Variants in ARHGAP39 observed in about 807,000 individuals in gnomAD.
ARHGAP39 encodes rho GTPase-activating protein 39.
Under a neutral mutation model 106.9 loss-of-function variants are expected in ARHGAP39, and 44 were observed. That is an observed-to-expected ratio of 0.41 (90% CI 0.32 to 0.53). The LOEUF (loss-of-function observed/expected upper bound fraction) is 0.53, where lower values mean the gene tolerates loss of function less well. ARHGAP39 is among the 20% of genes least tolerant of loss of function. The pLI is 0.21. For missense variants in ARHGAP39, 1,496 were observed against 1,577.3 expected (o/e 0.95, Z 0.87); for synonymous variants, 768 against 693.2 (o/e 1.11, Z -1.69).
rs372767574 is a variant in ARHGAP39 at position 144,601,028 on chromosome 8, T to C, written c.80+4507A>G. On this transcript the variant is annotated intron_variant, in intron 2 of 11. Coordinates refer to ENST00000377307, the MANE Select transcript of ARHGAP39 (RefSeq NM_025251.3). ...TGTGTGTGTGCGTGGAGGCGTGTGCTCGTGTACCTGTGTGTGCACATGGAG... is the reference window on the plus strand; with the variant it reads ...TGTGTGTGTGCGTGGAGGCGTGTGCCCGTGTACCTGTGTGTGCACATGGAG... Among the ~76,000 whole-genome samples the C allele has an allele frequency of 3.5e-4, 41 of 118,746 alleles. No individual in the cohort carries two copies. In the South Asian group the frequency reaches 0.012, roughly 33 times the overall value. The allele number at this position is 118,746 out of a possible 152,430, so 77.9% of individuals were successfully genotyped here. A position where few individuals can be genotyped will look rare whatever the true frequency, so the allele number is the denominator to read the frequency against.
intron 2 of ARHGAP39, among the ~76,000 whole-genome samples, chr8:144,582,439 A>G (rs1192976014): frequency 6.6e-6 from 1 of 152,194 alleles, no homozygotes; most frequent in African/African-American, 2.4e-5. Context: ...GCCCTCACAC[A>G]GTGGCGGCGG....
chr8:144,565,227 G>A (rs566665238), intron 3 of ARHGAP39, among the ~76,000 whole-genome samples: 6 of 152,180 alleles, frequency 3.9e-5, no homozygotes, highest in East Asian at 1.9e-4. Context: ...GCAGTGAGCC[G>A]AGCCTGCATC....
intron 1 of ARHGAP39, among the ~76,000 whole-genome samples, chr8:144,615,500 C>T (rs1353631406): frequency 1.3e-5 from 2 of 152,184 alleles, no homozygotes; most frequent in African/African-American, 4.8e-5. Flanking sequence ...AAAACCCAGC[C>T]TGCTGGAGAC....
intron 3 of ARHGAP39, among the ~76,000 whole-genome samples, chr8:144,564,980 T>C (rs1052545704): frequency 6.6e-6 from 1 of 151,842 alleles, no homozygotes; most frequent in African/African-American, 2.4e-5. Flanking sequence ...CGTGGAAGCA[T>C]GTGCATGTAA....
chr8:144,563,568 C>G (rs1383241526), intron 3 of ARHGAP39, among the ~76,000 whole-genome samples: 1 of 151,900 alleles, frequency 6.6e-6, no homozygotes, highest in African/African-American at 2.4e-5. Context: ...AGGAGGATCA[C>G]TTGAGACGAG....
rs1211123507 is a variant in ARHGAP39 at position 144,533,146 on chromosome 8, G to A, written c.2868C>T (p.Asp956=). ...GGCACCTGAAGATGCCCTCTGTCTG[G>A]TCACCGTTGAGCGCCAGCACCTCCT... ...LSEEVLALNG[D]QTEGIFRVPG... is the part of the protein sequence containing the mutation. The change falls in exon 9 of 12, where the codon GAC becomes GAT. Residue 956 remains aspartate, a synonymous_variant. Coordinates refer to ENST00000377307, the MANE Select transcript of ARHGAP39 (RefSeq NM_025251.3). 6.2e-7 allele frequency: 1 copy of A among 1,605,916 alleles called. No homozygotes were observed. Among genetic ancestry groups the A allele is most frequent in the South Asian group, 1.1e-5 (1 of 91,046 alleles).
At chr8:144,575,708 C>A (rs1818746765) in intron 3 of ARHGAP39, among the ~76,000 whole-genome samples, 1 of 152,124 alleles carries the variant, frequency 6.6e-6, no homozygotes, top group Admixed American at 6.5e-5. Flanking sequence ...ATGATAAAAA[C>A]TATGGTATAG....
chr8:144,666,371 T>C (rs1184694544), intron 1 of ARHGAP39, among the ~76,000 whole-genome samples: 1 of 152,040 alleles, frequency 6.6e-6, no homozygotes, highest in East Asian at 1.9e-4. Context: ...TGGGAAGGCA[T>C]GATTGGTTTT....
In ARHGAP39 at chr8:144,591,356, G is replaced by A. The variant is rs189190231; in HGVS notation, c.81-10079C>T. Among the ~76,000 whole-genome samples, 1 of 152,316 alleles carries A rather than the reference G, an allele frequency of 6.6e-6. No homozygotes were observed. Among genetic ancestry groups the A allele is most frequent in the African/African-American group, 2.4e-5 (1 of 41,566 alleles). On this transcript the variant is annotated intron_variant, in intron 2 of 11. Coordinates refer to ENST00000377307, the MANE Select transcript of ARHGAP39 (RefSeq NM_025251.3). The surrounding 1 kb of genome is among the most constrained non-coding windows in gnomAD (Gnocchi z 5.3). Reference sequence around the variant, plus strand: ...CTCAGGGCACCCAAGGAAACCCCAAGAAGGCACCTGCAAGCAGACATCTGC... The same window carrying A: ...CTCAGGGCACCCAAGGAAACCCCAAAAAGGCACCTGCAAGCAGACATCTGC...
At chr8:144,542,825 G>C (rs1488105113) in intron 6 of ARHGAP39, among the ~76,000 whole-genome samples, 1 of 151,926 alleles carries the variant, frequency 6.6e-6, no homozygotes, top group East Asian at 2.0e-4. Context: ...TGTGGTCCCT[G>C]CTACACGGGA....
At position 144,644,004 on chromosome 8, in the gene ARHGAP39, T is replaced by G. The variant is rs2130990497; in HGVS notation, c.-81-38309A>C. 6.6e-6 allele frequency among the ~76,000 whole-genome samples: 1 copy of G among 152,264 alleles called. No homozygotes were observed. The highest frequency in any genetic ancestry group is 2.1e-4 in the South Asian group (1 of 4,822). On this transcript the variant is annotated intron_variant, in intron 1 of 11. Transcript: ENST00000377307. The surrounding 1 kb of genome is among the most constrained non-coding windows in gnomAD (Gnocchi z 4.8). The stretch of plus-strand genomic sequence containing the variant: ...GCCCTCGTACACTGCAAGTAAGAAC[T>G]CACTTTGGAAAACAGTTTGGCAAAA...
chr8:144,539,330 C>T (rs770963980), intron 6 of ARHGAP39, among the ~76,000 whole-genome samples: 23 of 152,232 alleles, frequency 1.5e-4, no homozygotes, highest in Admixed American at 5.2e-4. Flanking sequence ...ACAGTCGCCC[C>T]GGCTTCCTCC....
At chr8:144,567,498 T>C (rs1214006811) in intron 3 of ARHGAP39, among the ~76,000 whole-genome samples, 1 of 152,126 alleles carries the variant, frequency 6.6e-6, no homozygotes, top group Non-Finnish European at 1.5e-5. Flanking sequence ...GAGTCTCCCT[T>C]TCCCGGGGGG....
At position 144,645,555 on chromosome 8, in the gene ARHGAP39, C is replaced by T. The variant is rs751684680; in HGVS notation, c.-81-39860G>A. On this transcript the variant is annotated intron_variant, in intron 1 of 11. Transcript: ENST00000377307. This position sits in a 1 kb window ranked among gnomAD's most constrained non-coding sequence, Gnocchi z 4.4. ...CTCCTGGCAGAGTCACTGAAGGGCT[C>T]CATGAGGGCAGGGCCTCCCTGCCTC... Among the ~76,000 whole-genome samples, 8 of 152,212 alleles carry T rather than the reference C, an allele frequency of 5.3e-5. No individual in the cohort carries two copies. The highest frequency in any genetic ancestry group is 3.3e-4 in the Admixed American group (5 of 15,284).
upstream of ARHGAP39, among the ~76,000 whole-genome samples, chr8:144,690,234 T>A (rs1822715042): frequency 6.6e-6 from 1 of 152,220 alleles, no homozygotes; most frequent in South Asian, 2.1e-4. Flanking sequence ...TGCCTCAGCC[T>A]CCCCAGAAGC....
intron 6 of ARHGAP39, among the ~76,000 whole-genome samples, chr8:144,539,923 A>G (rs1817121686): frequency 6.6e-6 from 1 of 152,220 alleles, no homozygotes; most frequent in African/African-American, 2.4e-5. Context: ...AATTTCTAAA[A>G]CAAAAAAAAG....
chr8:144,600,486 G>A (rs1563697585), intron 2 of ARHGAP39, among the ~76,000 whole-genome samples: 1 of 150,568 alleles, frequency 6.6e-6, no homozygotes, highest in Admixed American at 6.6e-5. Context: ...ATCGAGGCGT[G>A]TGTGCACACT....
intron 1 of ARHGAP39, among the ~76,000 whole-genome samples, chr8:144,648,162 CGGCCCCAGCTGCTCCTCCAG>C (rs1223930834): frequency 1.3e-5 from 2 of 152,096 alleles, no homozygotes; most frequent in South Asian, 2.1e-4. Context: ...AGCTGCTCCA[CGGCCCCAGCTGCTCCTCCAG>C]GGCCCCAGCT....
At chr8:144,677,011 G>A (rs780296811) in intron 1 of ARHGAP39, among the ~76,000 whole-genome samples, 15 of 152,358 alleles carry the variant, frequency 9.8e-5, no homozygotes, top group African/African-American at 1.2e-4. Context: ...CTCATGATCC[G>A]CCCGCCTGGG....
Sources: allele counts gnomAD v4.1 joint callset (sites outside exome capture counted in the v4.1 genomes callset), GRCh38; gene constraint gnomAD v4.1.1; non-coding constraint Gnocchi (gnomAD v3.1); transcripts MANE v1.5; gene names NCBI Gene and HGNC (gene_info 2026-07-23, HGNC 2026-07-21).